NCKAP1: variants seen among roughly 807,000 people sequenced by gnomAD.
NCKAP1 encodes the protein nck-associated protein 1.
In NCKAP1, 21 loss-of-function variants were observed where a neutral mutation model predicts 151.2. That is an observed-to-expected ratio of 0.14 (90% CI 0.10 to 0.20). NCKAP1 has a LOEUF of 0.20. NCKAP1 is among the 10% of genes least tolerant of loss of function. The pLI, the probability that NCKAP1 is intolerant of heterozygous loss-of-function variation, is 1.00. For synonymous variants in NCKAP1, 484 were observed against 451.8 expected, an observed-to-expected ratio of 1.07 and a Z score of -0.90; for missense variants, 933 against 1,352.1, an observed-to-expected ratio of 0.69 and a Z score of 4.86.
At chr2:182,989,809 G>C (rs1270717398) in intron 8 of NCKAP1, among the ~76,000 whole-genome samples, 2 of 151,996 alleles carry the variant, frequency 1.3e-5, no homozygotes, top group Non-Finnish European at 2.9e-5. Flanking sequence ...AGACCAGCCT[G>C]ACCAACATGG....
intron 1 of NCKAP1, among the ~76,000 whole-genome samples, chr2:183,036,685 G>A (rs1699108156): frequency 6.6e-6 from 1 of 152,044 alleles, no homozygotes; most frequent in African/African-American, 2.4e-5. Context: ...TTGCAATTAG[G>A]TGAGCAACCA....
intron 23 of NCKAP1, among the ~76,000 whole-genome samples, chr2:182,950,269 G>C (rs1396164966): frequency 2.0e-5 from 3 of 152,094 alleles, no homozygotes; most frequent in Admixed American, 2.0e-4. Flanking sequence ...ACCATACCAT[G>C]ATACTGTATC....
At chr2:182,957,886 A>AT (rs1697358041) in intron 18 of NCKAP1, among the ~76,000 whole-genome samples, 1 of 152,222 alleles carries the variant, frequency 6.6e-6, no homozygotes, top group Admixed American at 6.5e-5. Flanking sequence ...AAGTAAAAAC[A>AT]TACCAGGCAA....
chr2:182,935,936 T>TAG (rs1696865497), intron 24 of NCKAP1, among the ~76,000 whole-genome samples: 1 of 152,092 alleles, frequency 6.6e-6, no homozygotes, highest in Non-Finnish European at 1.5e-5. Context: ...ACATATTGGT[T>TAG]AGAGAGCATT....
chr2:182,981,141 T>C, intron 13 of NCKAP1, 103 bp downstream of exon 13: 1 of 1,379,904 alleles, frequency 7.2e-7, no homozygotes, highest in Non-Finnish European at 1.0e-6. Context: ...GATTTATCAC[T>C]TGGCACATGA....
At chr2:182,928,411 A>T (rs1202636491) in intron 28 of NCKAP1, among the ~76,000 whole-genome samples, 185 bp from the exon 29 acceptor site, 1 of 152,126 alleles carries the variant, frequency 6.6e-6, no homozygotes, top group Non-Finnish European at 1.5e-5. Context: ...GTTTAACAGG[A>T]GAGTAACAAA....
intron 29 of NCKAP1, 139 bp from the exon 30 acceptor site, chr2:182,927,044 G>A (rs917189455): frequency 2.5e-5 from 14 of 564,820 alleles, no homozygotes; most frequent in Non-Finnish European, 4.0e-5. Flanking sequence ...AATAAGATGA[G>A]CTTAGATAGC....
rs911142039 is a variant in NCKAP1 at position 182,947,397 on chromosome 2, G to A, written c.2601+5008C>T. Among the ~76,000 whole-genome samples the A allele has an allele frequency of 6.6e-5, 10 of 152,228 alleles. No homozygotes were observed. In the East Asian group the frequency reaches 1.2e-3, roughly 18 times the overall value. Reference sequence around the variant, plus strand: ...TGAGAAGGCTTTACTCTAGGTTTTTGACTACTGACACCCTTGTTCCACAAG... The same window carrying A: ...TGAGAAGGCTTTACTCTAGGTTTTTAACTACTGACACCCTTGTTCCACAAG... On this transcript the variant is annotated intron_variant, in intron 23 of 30. Transcript: ENST00000361354.
At chr2:182,980,625 C>T (rs1042047110) in intron 13 of NCKAP1, among the ~76,000 whole-genome samples, 13 of 151,696 alleles carry the variant, frequency 8.6e-5, no homozygotes, top group African/African-American at 3.1e-4. Flanking sequence ...AGGCTAAAAA[C>T]CAATTAAGGA....
intron 2 of NCKAP1, among the ~76,000 whole-genome samples, chr2:183,020,477 AAAAG>A (rs1466564369): frequency 2.5e-4 from 37 of 145,680 alleles, no homozygotes; most frequent in African/African-American, 5.8e-4. Context: ...AAAAAAAAAA[AAAAG>A]AAAAAAAAGA....
At chr2:183,029,061 G>A (rs1000044371) in intron 1 of NCKAP1, among the ~76,000 whole-genome samples, 1 of 152,038 alleles carries the variant, frequency 6.6e-6, no homozygotes, top group Non-Finnish European at 1.5e-5. Flanking sequence ...AGGTTGCAGT[G>A]AGCCAAGATC....
At chr2:182,971,076 G>C (rs1027853231) in intron 15 of NCKAP1, among the ~76,000 whole-genome samples, 59 of 152,208 alleles carry the variant, frequency 3.9e-4, no homozygotes, top group Non-Finnish European at 1.9e-4. Flanking sequence ...CATTGATGAA[G>C]GAAACTGAAG....
rs1364036437 is a variant in NCKAP1, at chr2:182,916,417, C to T, written c.*9285G>A. ...GAGTTACACAGGGTAGGAAATTTGA[C>T]TAAACAGACAGAAAGATGAAATAAA... On this transcript the variant is annotated 3_prime_UTR_variant, in exon 31 of 31. Transcript: ENST00000361354. 1 of 152,216 alleles carries T rather than the reference C, an allele frequency of 6.6e-6. No homozygotes were observed. Among genetic ancestry groups the T allele is most frequent in the Non-Finnish European group, 1.5e-5 (1 of 68,024 alleles). 9.4% of individuals were successfully genotyped at this position (152,216 alleles called of 1,614,324 possible).
At chr2:183,009,475 G>GGAGGAAGGAAGC (rs1553517571) in intron 2 of NCKAP1, among the ~76,000 whole-genome samples, 1 of 100,226 alleles carries the variant, frequency 1.0e-5, no homozygotes, top group Non-Finnish European at 2.0e-5. Context: ...AGGAAGGAAG[G>GGAGGAAGGAAGC]AAGCAAGCAA....
At position 182,916,270 on chromosome 2, in the gene NCKAP1, C is replaced by T. The variant is rs574284980; in HGVS notation, c.*9432G>A. On this transcript the variant is annotated 3_prime_UTR_variant, in exon 31 of 31. Transcript: ENST00000361354. ...GCTGCCTGTATCTCTGATGCTTCTC[C>T]ACAGGAACAAAAAGAAACAGAACCA... 2 of 151,982 alleles carry T rather than the reference C, an allele frequency of 1.3e-5. No individual in the cohort carries two copies. The highest frequency in any genetic ancestry group is 4.2e-4 in the South Asian group (2 of 4,800). 9.4% of individuals were successfully genotyped at this position (151,982 alleles called of 1,614,324 possible). A position where few individuals can be genotyped will look rare whatever the true frequency, so the allele number is the denominator to read the frequency against.
intron 6 of NCKAP1, among the ~76,000 whole-genome samples, chr2:182,999,356 A>G (rs1020042166): frequency 1.3e-5 from 2 of 152,210 alleles, no homozygotes; most frequent in African/African-American, 4.8e-5. Flanking sequence ...ACTTCTCAAA[A>G]GAATACATAT....
At chr2:183,024,685 T>C (rs932367791) in intron 1 of NCKAP1, among the ~76,000 whole-genome samples, 1 of 152,238 alleles carries the variant, frequency 6.6e-6, no homozygotes, top group African/African-American at 2.4e-5. Context: ...ATACTGTTCC[T>C]GTTTTATTAC....
chr2:182,945,280 T>C (rs1697078430), intron 23 of NCKAP1, among the ~76,000 whole-genome samples: 1 of 151,380 alleles, frequency 6.6e-6, no homozygotes, highest in African/African-American at 2.4e-5. Flanking sequence ...GTAGGCACAG[T>C]GGTACACGCC....
At chr2:183,026,765 A>C (rs1698905674) in intron 1 of NCKAP1, among the ~76,000 whole-genome samples, 1 of 152,194 alleles carries the variant, frequency 6.6e-6, no homozygotes, top group Admixed American at 6.5e-5. Context: ...CTTACCTCAC[A>C]GGGTTATTAT....
Sources: gnomAD v4.1 joint callset for allele counts (sites outside exome capture counted in the v4.1 genomes callset) on GRCh38, gnomAD v4.1.1 for gene constraint, MANE v1.5 for transcripts, NCBI Gene and HGNC (gene_info 2026-07-23, HGNC 2026-07-21) for gene names.